Variants in ABCA1 observed in about 807,000 individuals in gnomAD.
The protein encoded by ABCA1 is phospholipid-transporting ATPase ABCA1.
ABCA1 carries 133 observed loss-of-function variants against 262.5 expected under a neutral mutation model. The observed-to-expected ratio is 0.51, with a 90% confidence interval of 0.44 to 0.59. The LOEUF is 0.59. ABCA1 is among the 20% of genes least tolerant of loss of function. ABCA1 has a pLI of 0.00. For synonymous variants in ABCA1, 1,022 were observed against 1,043.5 expected, an observed-to-expected ratio of 0.98 and a Z score of 0.40; for missense variants, 2,452 against 2,777.5, an observed-to-expected ratio of 0.88 and a Z score of 2.63.
chr9:104,831,809 G>A lies in ABCA1; in HGVS notation c.1528C>T (p.Leu510=), dbSNP rs371789512. Reference sequence around the variant, plus strand: ...CAGACTTCTGTTGCTATGGGTTCTAGCTTGTTCAGGTTGACACACTGATAG... The same window carrying A: ...CAGACTTCTGTTGCTATGGGTTCTAACTTGTTCAGGTTGACACACTGATAG... ...RFMECVNLNK[L]EPIATEVWLI... is the part of the protein sequence containing the mutation. Residue 510 remains leucine (L), a synonymous_variant, in exon 13 of 50, where the codon CTA becomes TTA. Coordinates refer to ENST00000374736, the MANE Select transcript of ABCA1 (RefSeq NM_005502.4). 1 of 1,614,068 alleles carries A rather than the reference G, an allele frequency of 6.2e-7. No individual in the cohort carries two copies. Among genetic ancestry groups the A allele is most frequent in the African/African-American group, 1.3e-5 (1 of 74,920 alleles).
chr9:104,845,472 C>G lies in ABCA1; in HGVS notation c.813+5G>C, dbSNP rs763446219. On this transcript the variant is annotated splice_donor_5th_base_variant and intron_variant, in intron 8 of 49. Coordinates refer to ENST00000374736, the MANE Select transcript of ABCA1 (RefSeq NM_005502.4). Reference sequence around the variant, plus strand: ...GCTTCCTGGTACTGGAAAGACACAACTTACCTCCTGGGCCAGAGTCCCAAG... The same window carrying G: ...GCTTCCTGGTACTGGAAAGACACAAGTTACCTCCTGGGCCAGAGTCCCAAG... 1 of 1,610,746 alleles carries G rather than the reference C, an allele frequency of 6.2e-7. No homozygotes were observed. The highest frequency in any genetic ancestry group is 8.5e-7 in the Non-Finnish European group (1 of 1,177,142).
At chr9:104,857,235 G>A (rs113894174) in intron 7 of ABCA1, among the ~76,000 whole-genome samples, 15,879 of 151,950 alleles carry the variant, frequency 0.1, 2,802 homozygotes, top group African/African-American at 0.36. Context: ...CCTGAGAGGC[G>A]GAGGTTGCAG....
chr9:104,825,947 T>G, intron 16 of ABCA1, 60 bp from the exon 17 acceptor site: 61 of 1,559,698 alleles, frequency 3.9e-5, no homozygotes, highest in African/African-American at 5.4e-5. Context: ...TTTCTATCTC[T>G]TCTAGTGTAA....
chr9:104,843,848 T>A (rs113925334), intron 8 of ABCA1, among the ~76,000 whole-genome samples: 1,738 of 152,252 alleles, frequency 0.011, 7 homozygotes, highest in Middle Eastern at 0.034. Flanking sequence ...TAACTTTTGA[T>A]CAAAGGGATC....
In ABCA1 at chr9:104,830,835, T is replaced by TC; in HGVS notation, c.1892+89dup. The stretch of plus-strand genomic sequence containing the variant: ...ATCTGGCATCTTATTTCCAGATCAT[T>TC]CACACATGCATGCACATGCACACAC... On this transcript the variant is annotated intron_variant, in intron 14 of 49. Coordinates refer to ENST00000374736, the MANE Select transcript of ABCA1 (RefSeq NM_005502.4). 4 of 1,436,726 alleles carry TC rather than the reference T, an allele frequency of 2.8e-6. No homozygotes were observed. In the South Asian group the frequency reaches 4.6e-5, roughly 17 times the overall value. The allele number at this position is 1,436,726 out of a possible 1,614,324, so 89.0% of individuals were successfully genotyped here. A position where few individuals can be genotyped will look rare whatever the true frequency, so the allele number is the denominator to read the frequency against.
intron 11 of ABCA1, among the ~76,000 whole-genome samples, chr9:104,834,550 C>T (rs938004940): frequency 1.3e-4 from 20 of 148,554 alleles, no homozygotes; most frequent in Admixed American, 5.4e-4. Flanking sequence ...CGGCCCTGCC[C>T]AGTATGGTTT....
Position 104,796,088 on chromosome 9 carries a change from C to A in ABCA1, c.5347G>T (p.Val1783Leu), listed in dbSNP as rs780534377. The A allele has an allele frequency of 1.2e-6, 2 of 1,613,192 alleles. No individual in the cohort carries two copies. The highest frequency in any genetic ancestry group is 2.2e-5 in the South Asian group (2 of 91,042). Residue 1783 changes from valine (V) to leucine (L), a missense_variant, in exon 39 of 50, where the codon GTG (valine) becomes TTG (leucine). By Grantham distance (32) the Val-to-Leu change is conservative. Coordinates refer to ENST00000374736, the MANE Select transcript of ABCA1 (RefSeq NM_005502.4). Reference sequence around the variant, plus strand: ...AACAGCTCCAGCACAAAGGTGGCCACGCTGCCATTAATGCCAATGAAGAGG... The same window carrying A: ...AACAGCTCCAGCACAAAGGTGGCCAAGCTGCCATTAATGCCAATGAAGAGG... ...VNLFIGINGS[V>L]ATFVLELFTD...
chr9:104,917,703 G>A (rs1377276106), intron 1 of ABCA1, among the ~76,000 whole-genome samples: 7 of 152,046 alleles, frequency 4.6e-5, no homozygotes, highest in Admixed American at 2.6e-4. Flanking sequence ...GCAGTGAGCC[G>A]AGGTGGTGCC....
intron 1 of ABCA1, among the ~76,000 whole-genome samples, chr9:104,912,728 T>G (rs969843429): frequency 2.6e-5 from 4 of 152,184 alleles, no homozygotes; most frequent in African/African-American, 9.7e-5. Context: ...ATACCACTAT[T>G]TGCCTTTTCC....
chr9:104,900,327 C>T (rs1336294603), intron 2 of ABCA1, among the ~76,000 whole-genome samples: 2 of 152,222 alleles, frequency 1.3e-5, no homozygotes, highest in Non-Finnish European at 2.9e-5. Flanking sequence ...TAAATACTTA[C>T]TAAGCATGTC....
chr9:104,806,739 C>T (rs145877881), intron 30 of ABCA1, among the ~76,000 whole-genome samples: 2 of 152,302 alleles, frequency 1.3e-5, no homozygotes, highest in East Asian at 1.9e-4. Flanking sequence ...AACAAACATT[C>T]GTTGAGCATC....
intron 1 of ABCA1, among the ~76,000 whole-genome samples, chr9:104,909,427 G>A (rs537686561): frequency 6.6e-6 from 1 of 152,276 alleles, no homozygotes; most frequent in African/African-American, 2.4e-5. Context: ...TAACGGGGTG[G>A]AAGTTATTCC....
At chr9:104,786,094 C>T (rs2777797) in intron 48 of ABCA1, among the ~76,000 whole-genome samples, 1 of 152,314 alleles carries the variant, frequency 6.6e-6, no homozygotes, top group South Asian at 2.1e-4. Context: ...GTAGTTAAGT[C>T]ACTTGCCCAA....
At chr9:104,898,235 G>C (rs1840374529) in intron 2 of ABCA1, among the ~76,000 whole-genome samples, 1 of 152,072 alleles carries the variant, frequency 6.6e-6, no homozygotes, top group African/African-American at 2.4e-5. Context: ...CTACCTCAGG[G>C]AATCCTCTTG....
chr9:104,822,756 G>C, intron 18 of ABCA1, 89 bp from the exon 19 acceptor site: 2 of 1,488,358 alleles, frequency 1.3e-6, no homozygotes, highest in Non-Finnish European at 1.9e-6. Context: ...TGAACTTTCA[G>C]AAGTGCCTTC....
chr9:104,911,283 G>C (rs1841480602), intron 1 of ABCA1, among the ~76,000 whole-genome samples: 1 of 152,058 alleles, frequency 6.6e-6, no homozygotes, highest in Non-Finnish European at 1.5e-5. Context: ...AGATGCACAG[G>C]GTCCTATAAT....
intron 2 of ABCA1, among the ~76,000 whole-genome samples, chr9:104,890,744 G>A (rs1057513567): frequency 2.6e-5 from 4 of 151,966 alleles, no homozygotes; most frequent in African/African-American, 4.8e-5. Flanking sequence ...GATTACAGGC[G>A]TGAGCCACTG....
At chr9:104,868,934 A>T (rs1220030032) in intron 5 of ABCA1, among the ~76,000 whole-genome samples, 2 of 151,556 alleles carry the variant, frequency 1.3e-5, no homozygotes, top group African/African-American at 4.8e-5. Flanking sequence ...TTTCCAGGCC[A>T]TTCAGTGTTC....
At chr9:104,849,889 A>T (rs1394489626) in intron 7 of ABCA1, among the ~76,000 whole-genome samples, 1 of 152,234 alleles carries the variant, frequency 6.6e-6, no homozygotes, top group East Asian at 1.9e-4. Flanking sequence ...GCCAATATGC[A>T]CACTTATACA....
Sources: gnomAD v4.1 joint callset for allele counts (sites outside exome capture counted in the v4.1 genomes callset) on GRCh38, gnomAD v4.1.1 for gene constraint, MANE v1.5 for transcripts, NCBI Gene and HGNC (gene_info 2026-07-23, HGNC 2026-07-21) for gene names.